The following AKAP9 variants were observed in gnomAD, a reference collection of about 807,000 sequenced individuals.
AKAP9 encodes A-kinase anchor protein 9.
AKAP9 carries 311 observed loss-of-function variants against 488.5 expected under a neutral mutation model. The ratio of observed to expected loss-of-function variants is 0.64; its 90% CI spans 0.58 to 0.70. The LOEUF (loss-of-function observed/expected upper bound fraction) is 0.70. Ranked by LOEUF, AKAP9 falls within the 30% of genes least tolerant of loss-of-function variation. The pLI, the probability that AKAP9 is intolerant of heterozygous loss-of-function variation, is 0.00. For missense variants in AKAP9, 4,215 were observed against 4,374.5 expected, an observed-to-expected ratio of 0.96 and a Z score of 1.03; for synonymous variants, 1,462 against 1,483.5, an observed-to-expected ratio of 0.99 and a Z score of 0.33.
chr7:91,980,305 C>T lies in AKAP9; in HGVS notation c.323C>T (p.Ser108Leu). ...TTGTTTTAGCTGGAAAGTGAAATTT[C>T]AACCACAGCAGATGACTGCAGTTCA... ...GFSVELESEI[S>L]TTADDCSSEV... The change falls in exon 3 of 50, where the codon TCA (serine) becomes TTA (leucine). Residue 108 changes from serine to leucine, a missense_variant. By Grantham distance (145) the Ser-to-Leu change is moderately radical (BLOSUM62 -2). Coordinates refer to ENST00000356239, the MANE Select transcript of AKAP9 (RefSeq NM_005751.5). 1 of 1,585,468 alleles carries T rather than the reference C, an allele frequency of 6.3e-7. No individual in the cohort carries two copies. Among genetic ancestry groups the T allele is most frequent in the Non-Finnish European group, 8.6e-7 (1 of 1,159,842 alleles).
intron 31 of AKAP9, among the ~76,000 whole-genome samples, chr7:92,080,711 T>C (rs904285814): frequency 6.6e-6 from 1 of 152,082 alleles, no homozygotes; most frequent in Non-Finnish European, 1.5e-5. Flanking sequence ...GTTTCACAAA[T>C]CTCTTTTGTG....
chr7:91,944,658 A>T (rs568105139), intron 1 of AKAP9, among the ~76,000 whole-genome samples: 1 of 152,318 alleles, frequency 6.6e-6, no homozygotes, highest in East Asian at 1.9e-4. Context: ...AAGTGCTGGG[A>T]TTACAGGCAT....
At chr7:91,977,543 G>A (rs995150146) in intron 2 of AKAP9, among the ~76,000 whole-genome samples, 8 of 152,322 alleles carry the variant, frequency 5.3e-5, no homozygotes, top group Non-Finnish European at 8.8e-5. Context: ...GCGACAGAGC[G>A]AGACTCCGTC....
chr7:92,036,212 T>G (rs1417676644), intron 16 of AKAP9, among the ~76,000 whole-genome samples: 11 of 152,204 alleles, frequency 7.2e-5, no homozygotes, highest in African/African-American at 2.7e-4. Context: ...GACAAGGTCC[T>G]TGTCACTTTG....
intron 1 of AKAP9, among the ~76,000 whole-genome samples, chr7:91,947,772 G>A (rs1269653430): frequency 6.6e-6 from 1 of 152,202 alleles, no homozygotes; most frequent in African/African-American, 2.4e-5. Flanking sequence ...TTCTCTAGGT[G>A]CTAGATATAA....
At chr7:92,012,706 C>A in intron 9 of AKAP9, 64 bp downstream of exon 9, 1 of 1,381,214 alleles carries the variant, frequency 7.2e-7, no homozygotes, top group Non-Finnish European at 1.0e-6. Flanking sequence ...GCCCACCATT[C>A]TATAATTTTT....
At chr7:92,081,477 A>T (rs1272992409) in intron 31 of AKAP9, among the ~76,000 whole-genome samples, 1 of 82,008 alleles carries the variant, frequency 1.2e-5, no homozygotes, top group Admixed American at 1.3e-4. Flanking sequence ...GCTAATTTAT[A>T]TATATATATA....
chr7:92,004,447 G>A (rs1799552725), intron 8 of AKAP9, among the ~76,000 whole-genome samples: 1 of 152,172 alleles, frequency 6.6e-6, no homozygotes, highest in African/African-American at 2.4e-5. Context: ...TCCTATCCAT[G>A]AGCATGGAAT....
intron 1 of AKAP9, among the ~76,000 whole-genome samples, chr7:91,941,882 T>TTTTGTG (rs140762728): frequency 2.0e-5 from 3 of 147,726 alleles, no homozygotes; most frequent in African/African-American, 5.0e-5. Context: ...CGAATCCTGG[T>TTTTGTG]TGTGTGTGTG....
At chr7:92,090,838 A>G (rs1158915905) in intron 38 of AKAP9, among the ~76,000 whole-genome samples, 1 of 152,208 alleles carries the variant, frequency 6.6e-6, no homozygotes, top group Non-Finnish European at 1.5e-5. Context: ...TGGAATGCCT[A>G]TCTTAGATAA....
chr7:92,099,453 T>C (rs990827591), intron 43 of AKAP9, among the ~76,000 whole-genome samples: 12 of 152,202 alleles, frequency 7.9e-5, no homozygotes, highest in Admixed American at 6.5e-4. Flanking sequence ...AATCTAGACT[T>C]ACCAGGCAAC....
chr7:91,995,317 A>G (rs376747296), intron 6 of AKAP9, among the ~76,000 whole-genome samples: 45 of 152,180 alleles, frequency 3.0e-4, no homozygotes, highest in African/African-American at 1.1e-3. Flanking sequence ...GGAACTACAA[A>G]CTGGAAAGCC....
chr7:92,039,257 TAA>T (rs1805664867), intron 17 of AKAP9, among the ~76,000 whole-genome samples: 1 of 152,202 alleles, frequency 6.6e-6, no homozygotes, highest in Non-Finnish European at 1.5e-5. Context: ...ATAAGTGACT[TAA>T]TATTAGTATC....
At chr7:92,060,927 A>G (rs953665311) in intron 22 of AKAP9, among the ~76,000 whole-genome samples, 1 of 152,180 alleles carries the variant, frequency 6.6e-6, no homozygotes, top group Non-Finnish European at 1.5e-5. Flanking sequence ...CAAATACAAT[A>G]AACGCCTGTG....
intron 20 of AKAP9, among the ~76,000 whole-genome samples, 156 bp from the exon 21 acceptor site, chr7:92,044,852 G>A (rs188233682): frequency 1.5e-4 from 22 of 147,312 alleles, no homozygotes; most frequent in African/African-American, 5.7e-4. Flanking sequence ...AAAACAAGAA[G>A]CACTTTATTG....
Position 92,096,733 on chromosome 7 carries a change from G to T in AKAP9, c.9774G>T (p.Gln3258His). The T allele has an allele frequency of 6.2e-7, 1 of 1,614,186 alleles. No individual in the cohort carries two copies. The change falls in exon 41 of 50, where the codon CAG (glutamine) becomes CAT (histidine). Residue 3258 changes from glutamine (Q) to histidine (H), a missense_variant. By Grantham distance (24) the Gln-to-His change is conservative. Around this residue, in one of 5 missense-constraint regions of AKAP9, gnomAD observed 1,476 missense variants for 1,477.4 expected, o/e 1.00. Transcript: ENST00000356239. ...AGAGTCAGAAACAAAGGAATCTTCAGCTAAATCTACTTTTGGAACAACAGA... is the reference window on the plus strand; with the variant it reads ...AGAGTCAGAAACAAAGGAATCTTCATCTAAATCTACTTTTGGAACAACAGA... ...SLESQKQRNL[Q>H]LNLLLEQQKQ...
At chr7:92,077,976 A>AATTTT (rs553954803) in intron 30 of AKAP9, 101 bp downstream of exon 30, 538 of 766,478 alleles carry the variant, frequency 7.0e-4, no homozygotes, top group Non-Finnish European at 7.6e-4. Context: ...AAAACAAACC[A>AATTTT]ATTTTATTTT....
intron 45 of AKAP9, 106 bp from the exon 46 acceptor site, chr7:92,102,483 ACTACT>A: frequency 1.4e-6 from 1 of 712,552 alleles, no homozygotes; most frequent in Non-Finnish European, 2.5e-6. Flanking sequence ...TACTACTACT[ACTACT>A]ACCACCACCA....
intron 24 of AKAP9, among the ~76,000 whole-genome samples, chr7:92,064,857 C>T (rs1810513024): frequency 6.6e-6 from 1 of 151,858 alleles, no homozygotes; most frequent in Non-Finnish European, 1.5e-5. Context: ...TGCTTTTTGC[C>T]TGAGGTGAAG....
Sources: gnomAD v4.1 joint callset for allele counts (sites outside exome capture counted in the v4.1 genomes callset) on GRCh38, gnomAD v4.1.1 for gene constraint, gnomAD v4.1.1 regional missense constraint, MANE v1.5 for transcripts, NCBI Gene and HGNC (gene_info 2026-07-23, HGNC 2026-07-21) for gene names.